Variants in RGS6 observed in about 807,000 individuals in gnomAD.
The protein encoded by RGS6 is regulator of G-protein signaling 6.
RGS6 carries 30 observed loss-of-function variants against 78.5 expected under a neutral mutation model. The ratio of observed to expected loss-of-function variants is 0.38; its 90% CI spans 0.29 to 0.52. The LOEUF is 0.52. Ranked by LOEUF, RGS6 falls within the 20% of genes least tolerant of loss-of-function variation. The pLI, the probability that RGS6 is intolerant of heterozygous loss-of-function variation, is 0.85. For missense variants in RGS6, 495 were observed against 609.7 expected, an observed-to-expected ratio of 0.81 and a Z score of 1.98; for synonymous variants, 206 against 206.0, an observed-to-expected ratio of 1.00 and a Z score of 0.00.
intron 3 of RGS6, among the ~76,000 whole-genome samples, chr14:72,452,364 C>T (rs1443756124): frequency 6.6e-6 from 1 of 152,016 alleles, no homozygotes. Context: ...TTGAGGTTGG[C>T]GCGGGGAAAC....
At chr14:72,336,893 G>A (rs1041281198) in intron 2 of RGS6, among the ~76,000 whole-genome samples, 11 of 152,044 alleles carry the variant, frequency 7.2e-5, no homozygotes, top group African/African-American at 2.4e-4. Context: ...TTCCCTCTGT[G>A]TGTGCCTGTC....
chr14:72,528,512 C>A (rs984692295), intron 15 of RGS6, among the ~76,000 whole-genome samples: 3 of 152,192 alleles, frequency 2.0e-5, no homozygotes, highest in Admixed American at 6.5e-5. Flanking sequence ...TAGAGAACCA[C>A]CCTCATCTTC....
chr14:72,078,614 C>T (rs564388333), intron 2 of RGS6, among the ~76,000 whole-genome samples: 2 of 152,096 alleles, frequency 1.3e-5, no homozygotes, highest in African/African-American at 4.8e-5. Context: ...CGGGGTTTCA[C>T]TATACGTTAG....
intron 2 of RGS6, among the ~76,000 whole-genome samples, chr14:72,316,226 C>CTTTTTATTT (rs1036109518): frequency 6.6e-6 from 1 of 152,076 alleles, no homozygotes; most frequent in African/African-American, 2.4e-5. Flanking sequence ...TCTCTTTTGT[C>CTTTTTATTT]TTTTTATTTT....
At chr14:72,256,816 T>C (rs1322745912) in intron 2 of RGS6, among the ~76,000 whole-genome samples, 1 of 152,336 alleles carries the variant, frequency 6.6e-6, no homozygotes, top group South Asian at 2.1e-4. Context: ...GTGGTCTCAC[T>C]CTTAGTAAAC....
At chr14:72,115,095 G>T (rs1483887379) in intron 2 of RGS6, among the ~76,000 whole-genome samples, 1 of 152,106 alleles carries the variant, frequency 6.6e-6, no homozygotes, top group Non-Finnish European at 1.5e-5. Flanking sequence ...CATCCACTTG[G>T]ATCTCAGTTA....
intron 2 of RGS6, among the ~76,000 whole-genome samples, chr14:72,087,444 A>G (rs1188142049): frequency 6.6e-6 from 1 of 151,944 alleles, no homozygotes; most frequent in Non-Finnish European, 1.5e-5. Flanking sequence ...ATGCATATAT[A>G]TATATACTTT....
chr14:71,927,914 T>A (rs2087741699), upstream of RGS6, among the ~76,000 whole-genome samples: 1 of 152,134 alleles, frequency 6.6e-6, no homozygotes. Context: ...CGTCTCGGCC[T>A]CCCAAAGTGC....
intron 2 of RGS6, among the ~76,000 whole-genome samples, chr14:72,194,983 G>A (rs749369489): frequency 4.6e-5 from 7 of 152,088 alleles, no homozygotes; most frequent in Admixed American, 6.5e-5. Context: ...CGAGGCAGGC[G>A]GATCGCTTGA....
At chr14:72,147,946 A>G (rs1213999503) in intron 2 of RGS6, among the ~76,000 whole-genome samples, 1 of 152,260 alleles carries the variant, frequency 6.6e-6, no homozygotes, top group East Asian at 1.9e-4. Context: ...CCTGGCTAAC[A>G]TGGTGAAACC....
At chr14:72,151,255 C>A (rs780529542) in intron 2 of RGS6, among the ~76,000 whole-genome samples, 1 of 152,074 alleles carries the variant, frequency 6.6e-6, no homozygotes, top group South Asian at 2.1e-4. Context: ...TCAAGCCTTC[C>A]TACGACAATA....
chr14:72,026,796 G>A (rs1037832254), intron 2 of RGS6, among the ~76,000 whole-genome samples: 2 of 152,290 alleles, frequency 1.3e-5, no homozygotes, highest in Non-Finnish European at 2.9e-5. Flanking sequence ...ACTAAGTGGT[G>A]ATCTCATTGT....
chr14:72,473,018 A>G, intron 9 of RGS6, 65 bp downstream of exon 9: 2 of 1,192,916 alleles, frequency 1.7e-6, no homozygotes, highest in South Asian at 3.1e-5. Context: ...ATCTCTATAA[A>G]GAAAAGACCG....
chr14:72,252,212 C>T (rs769725681), intron 2 of RGS6, among the ~76,000 whole-genome samples: 7 of 151,644 alleles, frequency 4.6e-5, no homozygotes, highest in South Asian at 2.1e-4. Context: ...TGCGTATGCC[C>T]GCCATTCTTT....
intron 2 of RGS6, among the ~76,000 whole-genome samples, chr14:72,002,596 C>G (rs533647288): frequency 6.0e-4 from 61 of 100,976 alleles, no homozygotes; most frequent in Non-Finnish European, 1.2e-3. Flanking sequence ...AAGAGTCTTG[C>G]CAACTTTTCA....
chr14:72,580,559 T>C, the RGS6 span, among the ~76,000 whole-genome samples: 1 of 152,074 alleles, frequency 6.6e-6, no homozygotes, highest in South Asian at 2.1e-4. Context: ...AAGCATGAGA[T>C]AGGGCAAGGA....
Position 72,027,826 on chromosome 14 carries a change from C to T in RGS6, c.84+62951C>T, listed in dbSNP as rs186191352. ...TCCGGATCACCTTTCTTACAGAAAGCGGTAGATGCCAACCAGAAGACTGGA... is the reference window on the plus strand; with the variant it reads ...TCCGGATCACCTTTCTTACAGAAAGTGGTAGATGCCAACCAGAAGACTGGA... On this transcript the variant is annotated intron_variant, in intron 2 of 17. Transcript: ENST00000553525. Among the ~76,000 whole-genome samples the T allele has an allele frequency of 3.2e-3, 494 of 152,282 alleles. 1 individual carries two copies. Among genetic ancestry groups the T allele is most frequent in the African/African-American group, 0.011 (438 of 41,566 alleles).
intron 2 of RGS6, among the ~76,000 whole-genome samples, chr14:71,981,785 A>C (rs1380942969): frequency 1.3e-5 from 2 of 150,062 alleles, no homozygotes; most frequent in Non-Finnish European, 1.5e-5. Context: ...AGAGGCAGGC[A>C]GGCCTCCTTG....
Position 72,384,900 on chromosome 14 carries a change from G to A in RGS6, c.184+32706G>A, listed in dbSNP as rs557955712. ...TGACTAGCTGGGATTACAGGCTTCC[G>A]CCACCACACCCAGCTAATTTTTGTA... is the stretch of plus-strand genomic sequence containing the variant. On this transcript the variant is annotated intron_variant, in intron 3 of 17. Coordinates refer to ENST00000553525, the MANE Select transcript of RGS6 (RefSeq NM_001204424.2). Among the ~76,000 whole-genome samples the A allele has an allele frequency of 3.3e-3, 499 of 152,126 alleles. 2 individuals are homozygous for A. The highest frequency in any genetic ancestry group is 0.01 in the African/African-American group (434 of 41,530).
Sources: gnomAD v4.1 joint callset for allele counts (sites outside exome capture counted in the v4.1 genomes callset) on GRCh38, gnomAD v4.1.1 for gene constraint, MANE v1.5 for transcripts, NCBI Gene and HGNC (gene_info 2026-07-23, HGNC 2026-07-21) for gene names.